LINGO2: variants seen among roughly 807,000 people sequenced by gnomAD.
The protein encoded by LINGO2 is leucine rich repeat and Ig domain containing 2.
LINGO2 carries 14 observed loss-of-function variants against 30.6 expected under a neutral mutation model. The ratio of observed to expected loss-of-function variants is 0.46; its 90% CI spans 0.30 to 0.72. LINGO2 has a LOEUF of 0.72. LINGO2 is among the 30% of genes least tolerant of loss of function. LINGO2 has a pLI of 0.07. For synonymous variants in LINGO2, 317 were observed against 288.5 expected (o/e 1.10, Z -1.00); for missense variants, 729 against 751.7 (o/e 0.97, Z 0.35).
intron 3 of LINGO2, among the ~76,000 whole-genome samples, chr9:28,348,691 G>A (rs1415226901): frequency 3.3e-5 from 5 of 152,000 alleles, no homozygotes; most frequent in Admixed American, 1.3e-4. Context: ...CCACCTCTGG[G>A]GGCAGGGCAC....
At chr9:28,215,540 A>T (rs984556372) in intron 4 of LINGO2, among the ~76,000 whole-genome samples, 1 of 151,900 alleles carries the variant, frequency 6.6e-6, no homozygotes, top group Admixed American at 6.6e-5. Context: ...GAGCTGGAAG[A>T]GCAAGTGAAT....
the LINGO2 span, among the ~76,000 whole-genome samples, chr9:29,059,959 T>C: frequency 6.6e-6 from 1 of 152,166 alleles, no homozygotes; most frequent in African/African-American, 2.4e-5. Context: ...CTACAGATTC[T>C]CTCTCTCATT....
the LINGO2 span, among the ~76,000 whole-genome samples, chr9:29,185,702 A>G: frequency 2.0e-5 from 3 of 152,220 alleles, no homozygotes; most frequent in East Asian, 1.9e-4. Context: ...TTAGAAAGGT[A>G]GAGTGAATTG....
intron 4 of LINGO2, among the ~76,000 whole-genome samples, chr9:28,027,041 G>A (rs1169406785): frequency 6.6e-6 from 1 of 152,144 alleles, no homozygotes; most frequent in Non-Finnish European, 1.5e-5. Flanking sequence ...CAAGCACCAT[G>A]ACATTCTCAT....
At chr9:28,886,492 G>A in the LINGO2 span, among the ~76,000 whole-genome samples, 24 of 152,086 alleles carry the variant, frequency 1.6e-4, no homozygotes, top group Non-Finnish European at 3.1e-4. Flanking sequence ...TGAGGGTAAT[G>A]ACAAATGAAA....
At chr9:28,430,109 C>CACGTGTGTGTGTGTGTGT (rs1554720107) in intron 2 of LINGO2, among the ~76,000 whole-genome samples, 1 of 136,100 alleles carries the variant, frequency 7.3e-6, no homozygotes, top group African/African-American at 2.6e-5. Flanking sequence ...CGCGCGCGCG[C>CACGTGTGTGTGTGTGTGT]GTGTGTGTGT....
At chr9:28,552,762 A>T (rs1822371391) in intron 1 of LINGO2, among the ~76,000 whole-genome samples, 1 of 143,076 alleles carries the variant, frequency 7.0e-6, no homozygotes, top group Non-Finnish European at 1.5e-5. Context: ...TTTTATTTCT[A>T]TTCTTATTTT....
At chr9:28,837,433 G>T in the LINGO2 span, among the ~76,000 whole-genome samples, 1 of 151,270 alleles carries the variant, frequency 6.6e-6, no homozygotes, top group African/African-American at 2.4e-5. Flanking sequence ...ATCACCTGAG[G>T]TCAGGAGTTT....
the LINGO2 span, among the ~76,000 whole-genome samples, chr9:28,998,651 T>C: frequency 6.6e-6 from 1 of 152,062 alleles, no homozygotes; most frequent in Non-Finnish European, 1.5e-5. Flanking sequence ...TGTACTTTCC[T>C]AGTCAAGGTT....
intron 4 of LINGO2, among the ~76,000 whole-genome samples, chr9:28,049,593 G>A (rs985432498): frequency 3.3e-5 from 5 of 150,506 alleles, no homozygotes; most frequent in Admixed American, 6.7e-5. Flanking sequence ...AGATTTTACC[G>A]CTTATTAGCT....
chr9:28,650,716 A>C (rs1188751721), intron 1 of LINGO2, among the ~76,000 whole-genome samples: 1 of 152,092 alleles, frequency 6.6e-6, no homozygotes, highest in Non-Finnish European at 1.5e-5. Flanking sequence ...CCTTCTCTAC[A>C]TTCTCAACAA....
the LINGO2 span, among the ~76,000 whole-genome samples, chr9:28,682,317 G>T: frequency 6.6e-6 from 1 of 152,270 alleles, no homozygotes; most frequent in South Asian, 2.1e-4. Context: ...TCCTGAACCT[G>T]TTCCGCATTC....
intron 4 of LINGO2, among the ~76,000 whole-genome samples, chr9:28,246,698 G>T (rs1278776101): frequency 6.6e-6 from 1 of 152,080 alleles, no homozygotes; most frequent in East Asian, 1.9e-4. Context: ...CATGGGAAAA[G>T]CTTGTATGAT....
chr9:28,709,232 G>T, the LINGO2 span, among the ~76,000 whole-genome samples: 41,206 of 151,530 alleles, frequency 0.27, 5,984 homozygotes, highest in Admixed American at 0.44. Context: ...GTTTTGTTTT[G>T]TTTTTTAACT....
At chr9:29,032,822 G>A in the LINGO2 span, among the ~76,000 whole-genome samples, 10 of 152,078 alleles carry the variant, frequency 6.6e-5, no homozygotes, top group African/African-American at 2.2e-4. Flanking sequence ...AATATTGTGT[G>A]GTTAATGATT....
chr9:29,037,061 T>C, the LINGO2 span, among the ~76,000 whole-genome samples: 1 of 151,742 alleles, frequency 6.6e-6, no homozygotes, highest in Non-Finnish European at 1.5e-5. Context: ...CGTTCATCTA[T>C]ACCTTTTCTC....
chr9:29,072,378 A>G, the LINGO2 span, among the ~76,000 whole-genome samples: 1 of 152,122 alleles, frequency 6.6e-6, no homozygotes, highest in East Asian at 1.9e-4. Context: ...GGGAATGTTC[A>G]AAAACTAGAT....
At chr9:28,982,084 C>T in the LINGO2 span, among the ~76,000 whole-genome samples, 1 of 151,938 alleles carries the variant, frequency 6.6e-6, no homozygotes, top group Admixed American at 6.6e-5. Flanking sequence ...AATGCAGTGC[C>T]ATGAATTATC....
intron 1 of LINGO2, among the ~76,000 whole-genome samples, chr9:28,574,099 T>C (rs1349573132): frequency 6.6e-6 from 1 of 152,148 alleles, no homozygotes; most frequent in Non-Finnish European, 1.5e-5. Context: ...ATCGAAAGAA[T>C]GTAATGTAAC....
Sources: allele counts gnomAD v4.1 joint callset (sites outside exome capture counted in the v4.1 genomes callset), GRCh38; gene constraint gnomAD v4.1.1; transcripts MANE v1.5; gene names NCBI Gene and HGNC (gene_info 2026-07-23, HGNC 2026-07-21).